The following ANO2 variants were observed in gnomAD, a reference collection of about 807,000 sequenced individuals.
ANO2 encodes the protein anoctamin-2.
ANO2 carries 101 observed loss-of-function variants against 124.2 expected under a neutral mutation model. The observed-to-expected ratio is 0.81, with a 90% CI of 0.69 to 0.96. The LOEUF (loss-of-function observed/expected upper bound fraction) is 0.96, where lower values mean the gene tolerates loss of function less well. Among genes scored for constraint, ANO2 ranks in the 40% least tolerant of loss-of-function variants. The pLI is 0.00. For synonymous variants in ANO2, 486 were observed against 482.5 expected (o/e 1.01, Z -0.09); for missense variants, 1,293 against 1,274.5 (o/e 1.01, Z -0.22).
At chr12:5,682,618 C>T (rs999437272) in intron 14 of ANO2, among the ~76,000 whole-genome samples, 1 of 152,134 alleles carries the variant, frequency 6.6e-6, no homozygotes, top group Non-Finnish European at 1.5e-5. Context: ...GCCCTGCAAG[C>T]CAAGAAATAC....
chr12:5,643,543 C>A (rs1158359439), intron 15 of ANO2, among the ~76,000 whole-genome samples: 1 of 152,154 alleles, frequency 6.6e-6, no homozygotes, highest in Non-Finnish European at 1.5e-5. Flanking sequence ...CTCATGTACA[C>A]AAGTTTTTCT....
At chr12:5,818,493 A>G (rs1953686231) in intron 7 of ANO2, among the ~76,000 whole-genome samples, 1 of 91,926 alleles carries the variant, frequency 1.1e-5, no homozygotes, top group Admixed American at 1.2e-4. Flanking sequence ...ATATATATAT[A>G]TGGATATGTA....
In ANO2 at chr12:5,904,264, G is replaced by A. The variant is rs1346913535; in HGVS notation, c.534+16776C>T. ...CCTTGAAAAAGGAAAGAGCCAATATGATGTGATTTCCAGAACCTGCTCCAC... is the reference window on the plus strand; with the variant it reads ...CCTTGAAAAAGGAAAGAGCCAATATAATGTGATTTCCAGAACCTGCTCCAC... On this transcript the variant is annotated intron_variant, in intron 3 of 24. Coordinates refer to ENST00000682330, the MANE Select transcript of ANO2 (RefSeq NM_001364791.2). The surrounding 1 kb of genome is among the most constrained non-coding windows in gnomAD (Gnocchi z 4.1). Among the ~76,000 whole-genome samples, 1 of 152,202 alleles carries A rather than the reference G, an allele frequency of 6.6e-6. No homozygotes were observed. The highest frequency in any genetic ancestry group is 2.4e-5 in the African/African-American group (1 of 41,452).
chr12:5,884,843 C>A lies in ANO2; in HGVS notation c.535-30702G>T, dbSNP rs1413374523. On this transcript the variant is annotated intron_variant, in intron 3 of 24. Transcript: ENST00000682330. ...ACAGCATGATGAAGAAGGGCAAACA[C>A]AGCCCCCAGCCAGGACTTCTAATGG... Among the ~76,000 whole-genome samples, 3 of 152,166 alleles carry A rather than the reference C, an allele frequency of 2.0e-5. No individual in the cohort carries two copies. The East Asian group carries it at 5.8e-4, about 29-fold the overall frequency.
chr12:5,756,233 T>C (rs959543598), intron 10 of ANO2, among the ~76,000 whole-genome samples: 2 of 152,124 alleles, frequency 1.3e-5, no homozygotes, highest in African/African-American at 4.8e-5. Flanking sequence ...TATATGTTTG[T>C]TGAACTTCTG....
intron 3 of ANO2, among the ~76,000 whole-genome samples, chr12:5,884,504 A>G (rs770700732): frequency 1.1e-4 from 16 of 152,224 alleles, no homozygotes; most frequent in Admixed American, 3.3e-4. Context: ...ATAGGGCCCC[A>G]TGGCCATCTT....
intron 5 of ANO2, among the ~76,000 whole-genome samples, chr12:5,831,892 C>A (rs918993438): frequency 6.6e-6 from 1 of 152,174 alleles, no homozygotes. Flanking sequence ...TCTCCCACTT[C>A]CCAGCTGTGG....
At chr12:5,576,059 TAAAAAGGACTGTCC>T in intron 22 of ANO2, 44 bp from the exon 23 acceptor site, 1 of 1,527,014 alleles carries the variant, frequency 6.5e-7, no homozygotes, top group Non-Finnish European at 8.8e-7. Flanking sequence ...GGATTGATGC[TAAAAAGGACTGTCC>T]ACTCTTAGGC....
intron 23 of ANO2, 100 bp from the exon 24 acceptor site, chr12:5,565,763 C>A: frequency 1.1e-6 from 1 of 919,382 alleles, no homozygotes; most frequent in Non-Finnish European, 1.6e-6. Flanking sequence ...GCATCAGGCA[C>A]GCATGCCCTT....
intron 10 of ANO2, among the ~76,000 whole-genome samples, chr12:5,757,099 C>A (rs1257450329): frequency 6.6e-6 from 1 of 152,212 alleles, no homozygotes; most frequent in African/African-American, 2.4e-5. Flanking sequence ...TTGAGCTCCA[C>A]CAGGGTTCTG....
chr12:5,899,268 A>C (rs1262223596), intron 3 of ANO2, among the ~76,000 whole-genome samples: 4 of 152,188 alleles, frequency 2.6e-5, no homozygotes, highest in Non-Finnish European at 4.4e-5. Context: ...TAAGAATTCT[A>C]GCAACTCAGC....
chr12:5,647,771 G>A lies in ANO2; in HGVS notation c.1576C>T (p.Arg526Cys), dbSNP rs779581544. 10 of 1,610,186 alleles carry A rather than the reference G, an allele frequency of 6.2e-6. No homozygotes were observed. The highest frequency in any genetic ancestry group is 5.0e-5 in the Admixed American group (3 of 59,628). ...AAGTTCATCAGGTAACCTGGGAAAC[G>A]ATCCTTCCAGGTCAGTTTATCTTCA... ...DDEDKLTWKD[R>C]FPGYLMNFAS... The change falls in exon 15 of 25, where the codon CGT (arginine) becomes TGT (cysteine). Residue 526 changes from arginine to cysteine, a missense_variant. Arg to Cys is a radical substitution (Grantham distance 180). Coordinates refer to ENST00000682330, the MANE Select transcript of ANO2 (RefSeq NM_001364791.2).
chr12:5,800,148 G>A (rs184598511), intron 9 of ANO2, among the ~76,000 whole-genome samples: 75 of 152,284 alleles, frequency 4.9e-4, no homozygotes, highest in African/African-American at 1.3e-3. Flanking sequence ...ACAAAGGAAG[G>A]GGGGAGGGTG....
intron 14 of ANO2, among the ~76,000 whole-genome samples, chr12:5,653,003 A>T (rs935348233): frequency 4.6e-5 from 7 of 152,132 alleles, no homozygotes; most frequent in African/African-American, 1.7e-4. Context: ...TTATATTTTG[A>T]ATTTGCTTAA....
At chr12:5,670,537 A>T (rs550891846) in intron 14 of ANO2, among the ~76,000 whole-genome samples, 32 of 152,196 alleles carry the variant, frequency 2.1e-4, no homozygotes, top group African/African-American at 7.0e-4. Flanking sequence ...TTAATTTTTT[A>T]AATTTATTTA....
intron 3 of ANO2, among the ~76,000 whole-genome samples, chr12:5,891,557 G>A (rs1939404142): frequency 6.6e-6 from 1 of 152,102 alleles, no homozygotes; most frequent in Non-Finnish European, 1.5e-5. Context: ...TCAGCAAAAT[G>A]CCCCCATAAG....
intron 3 of ANO2, among the ~76,000 whole-genome samples, chr12:5,869,292 C>T (rs1955510195): frequency 6.6e-6 from 1 of 152,170 alleles, no homozygotes; most frequent in Admixed American, 6.5e-5. Flanking sequence ...CTGCTCATTA[C>T]TCTTCTGTGC....
chr12:5,879,420 G>T (rs867189853), intron 3 of ANO2, among the ~76,000 whole-genome samples: 1 of 152,200 alleles, frequency 6.6e-6, no homozygotes, highest in Non-Finnish European at 1.5e-5. Flanking sequence ...TTAGGGAACG[G>T]TATAGTCATA....
chr12:5,808,346 C>T (rs149062610), intron 7 of ANO2, among the ~76,000 whole-genome samples: 6 of 152,308 alleles, frequency 3.9e-5, no homozygotes, highest in Non-Finnish European at 7.3e-5. Flanking sequence ...AGCATAAAGT[C>T]GTCGTTATTT....
Sources: allele counts gnomAD v4.1 joint callset (sites outside exome capture counted in the v4.1 genomes callset), GRCh38; gene constraint gnomAD v4.1.1; non-coding constraint Gnocchi (gnomAD v3.1); transcripts MANE v1.5; gene names NCBI Gene and HGNC (gene_info 2026-07-23, HGNC 2026-07-21).